Variants in FBXL20 observed in about 807,000 individuals in gnomAD.
The protein encoded by FBXL20 is F-box and leucine rich repeat protein 20, also known as F-box/LRR-repeat protein 20.
A neutral mutation model predicts 64.0 loss-of-function variants in FBXL20; 11 were observed. The observed-to-expected ratio is 0.17, with a 90% confidence interval of 0.11 to 0.28. The LOEUF (loss-of-function observed/expected upper bound fraction) is 0.28, where lower values mean the gene tolerates loss of function less well. Among genes scored for constraint, FBXL20 ranks in the 10% least tolerant of loss-of-function variants. The pLI is 1.00. For synonymous variants in FBXL20, 184 were observed against 189.0 expected (o/e 0.97, Z 0.22); for missense variants, 303 against 526.2 (o/e 0.58, Z 4.15).
chr17:39,329,482 A>C (rs1343927683), intron 2 of FBXL20, among the ~76,000 whole-genome samples: 1 of 152,220 alleles, frequency 6.6e-6, no homozygotes, highest in Non-Finnish European at 1.5e-5. Flanking sequence ...ATATAAATGA[A>C]AAAATATTAA....
At chr17:39,283,228 G>A (rs999090871) in intron 7 of FBXL20, among the ~76,000 whole-genome samples, 6 of 152,120 alleles carry the variant, frequency 3.9e-5, no homozygotes, top group Admixed American at 2.0e-4. Context: ...ATTCTCCATC[G>A]AGCAATGCTA....
Position 39,270,981 on chromosome 17 carries a change from A to G in FBXL20, c.828-125T>C, listed in dbSNP as rs552262834. ...TCTAAGGACTTTATAATATAGAATG[A>G]CATTAACAACTAAGCAAGTCTGTAT... On this transcript the variant is annotated intron_variant, in intron 10 of 14. Transcript: ENST00000264658. The G allele has an allele frequency of 2.6e-5, 19 of 729,114 alleles. No homozygotes were observed. The East Asian group carries it at 4.6e-4, about 18-fold the overall frequency. 45.2% of individuals were successfully genotyped at this position (729,114 alleles called of 1,614,324 possible).
intron 1 of FBXL20, among the ~76,000 whole-genome samples, chr17:39,361,305 A>G (rs1329220177): frequency 6.6e-6 from 1 of 152,082 alleles, no homozygotes; most frequent in Non-Finnish European, 1.5e-5. Flanking sequence ...GAGTTTGTGA[A>G]GTCTATGGGA....
chr17:39,265,506 G>T, intron 12 of FBXL20, 53 bp from the exon 13 acceptor site: 2 of 1,350,646 alleles, frequency 1.5e-6, no homozygotes, highest in Non-Finnish European at 2.1e-6. Flanking sequence ...AAAATCCTGA[G>T]TCATACCTGA....
At chr17:39,302,953 C>G (rs1230135197) in intron 3 of FBXL20, among the ~76,000 whole-genome samples, 1 of 151,720 alleles carries the variant, frequency 6.6e-6, no homozygotes, top group Non-Finnish European at 1.5e-5. Context: ...GCTCTGTCGC[C>G]CAGGGTAGAG....
At chr17:39,332,536 C>CTTTTTTTTTT in intron 2 of FBXL20, among the ~76,000 whole-genome samples, 1 of 96,964 alleles carries the variant, frequency 1.0e-5, no homozygotes, top group South Asian at 4.2e-4. Flanking sequence ...TTCTTTGTAT[C>CTTTTTTTTTT]TTTTTTTTTT....
intron 1 of FBXL20, among the ~76,000 whole-genome samples, chr17:39,343,854 C>A (rs2047606371): frequency 6.6e-6 from 1 of 151,950 alleles, no homozygotes; most frequent in African/African-American, 2.4e-5. Flanking sequence ...TGCCACCATG[C>A]CCGGCTAATT....
At chr17:39,327,918 C>T (rs954692097) in intron 2 of FBXL20, among the ~76,000 whole-genome samples, 1 of 151,994 alleles carries the variant, frequency 6.6e-6, no homozygotes, top group African/African-American at 2.4e-5. Flanking sequence ...AGAAGCAATG[C>T]CACTCAGGAG....
chr17:39,288,208 C>T (rs988175621), intron 6 of FBXL20, among the ~76,000 whole-genome samples: 3 of 152,068 alleles, frequency 2.0e-5, no homozygotes, highest in Non-Finnish European at 4.4e-5. Flanking sequence ...CTCAAACGAT[C>T]CGCCCACCTT....
At chr17:39,323,778 C>CT (rs375479842) in intron 2 of FBXL20, among the ~76,000 whole-genome samples, 47,673 of 144,424 alleles carry the variant, frequency 0.33, 8,808 homozygotes, top group African/African-American at 0.51. Flanking sequence ...CTTCTGTTTT[C>CT]TTTTTTTTTT....
At chr17:39,360,107 A>T (rs2047780261) in intron 1 of FBXL20, among the ~76,000 whole-genome samples, 1 of 152,200 alleles carries the variant, frequency 6.6e-6, no homozygotes, top group African/African-American at 2.4e-5. Context: ...TGACACATGG[A>T]TGAACCCTGA....
intron 1 of FBXL20, among the ~76,000 whole-genome samples, chr17:39,380,629 C>T (rs1177910965): frequency 6.6e-6 from 1 of 152,110 alleles, no homozygotes; most frequent in African/African-American, 2.4e-5. Flanking sequence ...CTTTATTTTG[C>T]CCATCACTAT....
rs1025508039 is a variant in FBXL20 at position 39,262,732 on chromosome 17, C to G, written c.1204-1165G>C. Reference sequence around the variant, plus strand: ...CTTCTTTTTCGGCCGGGCGCAGTGGCTCATGCCTGTAATCCCAGCACTTTG... The same window carrying G: ...CTTCTTTTTCGGCCGGGCGCAGTGGGTCATGCCTGTAATCCCAGCACTTTG... On this transcript the variant is annotated intron_variant, in intron 14 of 14. Transcript: ENST00000264658. Among the ~76,000 whole-genome samples, 10 of 152,184 alleles carry G rather than the reference C, an allele frequency of 6.6e-5. No individual in the cohort carries two copies. The East Asian group carries it at 1.6e-3, about 24-fold the overall frequency.
At chr17:39,385,397 CAA>C (rs1367446606) in intron 1 of FBXL20, among the ~76,000 whole-genome samples, 1 of 152,154 alleles carries the variant, frequency 6.6e-6, no homozygotes, top group Non-Finnish European at 1.5e-5. Context: ...CTTTTTAACC[CAA>C]ACTCACTTTA....
intron 2 of FBXL20, among the ~76,000 whole-genome samples, chr17:39,333,557 C>T (rs1262640790): frequency 1.3e-5 from 2 of 152,176 alleles, no homozygotes; most frequent in Non-Finnish European, 2.9e-5. Flanking sequence ...AGCCTCTGCC[C>T]GGCCGCCACC....
intron 1 of FBXL20, among the ~76,000 whole-genome samples, chr17:39,399,216 T>TGA (rs10673134): frequency 0.37 from 56,309 of 152,004 alleles, 13,116 homozygotes; most frequent in African/African-American, 0.66. Flanking sequence ...AAATTCTCAA[T>TGA]GAGATCTGCT....
chr17:39,401,353 G>A lies in FBXL20; in HGVS notation c.42+8C>T, dbSNP rs2048241677. 2 of 1,612,886 alleles carry A rather than the reference G, an allele frequency of 1.2e-6. No individual in the cohort carries two copies. Among genetic ancestry groups the A allele is most frequent in the Non-Finnish European group, 1.7e-6 (2 of 1,179,566 alleles). On this transcript the variant is annotated splice_region_variant and intron_variant, in intron 1 of 14. Transcript: ENST00000264658. ...TCCTCACGCCGCCCGAGCCCCCCAA[G>A]CTCACACCTCAAACCTGCTCTTGGT...
chr17:39,334,293 C>CCACT (rs1346582386), intron 2 of FBXL20, among the ~76,000 whole-genome samples: 1 of 151,950 alleles, frequency 6.6e-6, no homozygotes, highest in Non-Finnish European at 1.5e-5. Flanking sequence ...AGAGTCATCA[C>CCACT]CACTCCCTAA....
At chr17:39,350,481 T>A (rs2047677199) in intron 1 of FBXL20, among the ~76,000 whole-genome samples, 1 of 140,854 alleles carries the variant, frequency 7.1e-6, no homozygotes, top group South Asian at 2.2e-4. Flanking sequence ...AGAGCTAGAC[T>A]CCTTCTCGAA....
Sources: allele counts gnomAD v4.1 joint callset (sites outside exome capture counted in the v4.1 genomes callset), GRCh38; gene constraint gnomAD v4.1.1; transcripts MANE v1.5; gene names NCBI Gene and HGNC (gene_info 2026-07-23, HGNC 2026-07-21).